RDX: variants seen among roughly 807,000 people sequenced by gnomAD.
The protein encoded by RDX is radixin, also known as deafness, autosomal recessive 24.
A neutral mutation model predicts 83.7 loss-of-function variants in RDX; 32 were observed. That is an observed-to-expected ratio of 0.38 (90% CI 0.29 to 0.51). RDX has a LOEUF of 0.51. RDX is among the 20% of genes least tolerant of loss of function. The pLI is 0.87. For missense variants in RDX, 600 were observed against 689.9 expected (o/e 0.87, Z 1.46); for synonymous variants, 229 against 222.7 (o/e 1.03, Z -0.25).
intron 14 of RDX, among the ~76,000 whole-genome samples, chr11:110,202,573 T>C (rs1863451799): frequency 6.6e-6 from 1 of 151,004 alleles, no homozygotes; most frequent in African/African-American, 2.4e-5. Context: ...TGTGCTTCAC[T>C]ACACCTGGCT....
intron 15 of RDX, among the ~76,000 whole-genome samples, chr11:110,192,596 A>G (rs1863123945): frequency 6.6e-6 from 1 of 152,230 alleles, no homozygotes; most frequent in Non-Finnish European, 1.5e-5. Flanking sequence ...GAATGGGAGA[A>G]AATATTCTCA....
chr11:110,211,579 G>A (rs1423275999), intron 14 of RDX, among the ~76,000 whole-genome samples: 1 of 151,084 alleles, frequency 6.6e-6, no homozygotes, highest in African/African-American at 2.4e-5. Context: ...ACCACATACT[G>A]GGAAGTAAAG....
chr11:110,232,773 C>T (rs1036969359), intron 13 of RDX, among the ~76,000 whole-genome samples: 3 of 152,080 alleles, frequency 2.0e-5, no homozygotes, highest in African/African-American at 4.8e-5. Flanking sequence ...TACCACCATA[C>T]CCGGCTAATT....
intron 14 of RDX, among the ~76,000 whole-genome samples, chr11:110,223,546 A>C (rs1864329488): frequency 6.6e-6 from 1 of 152,028 alleles, no homozygotes; most frequent in Admixed American, 6.6e-5. Context: ...AAATAAAATA[A>C]AGTTCCTGAG....
At chr11:110,203,625 A>G (rs1863494857) in intron 14 of RDX, among the ~76,000 whole-genome samples, 1 of 152,016 alleles carries the variant, frequency 6.6e-6, no homozygotes, top group Admixed American at 6.6e-5. Context: ...GTATCAAAAT[A>G]TCTCATGTCC....
At chr11:110,254,230 TAAG>T in intron 8 of RDX, 121 bp from the exon 9 acceptor site, 2 of 811,392 alleles carry the variant, frequency 2.5e-6, no homozygotes, top group Non-Finnish European at 3.9e-6. Context: ...AGTTTAGAAA[TAAG>T]AAATCATACA....
intron 4 of RDX, among the ~76,000 whole-genome samples, chr11:110,264,435 G>A (rs1026244235): frequency 6.6e-6 from 1 of 152,116 alleles, no homozygotes; most frequent in African/African-American, 2.4e-5. Flanking sequence ...CTATAACTCA[G>A]ATTCTAATAA....
intron 3 of RDX, among the ~76,000 whole-genome samples, chr11:110,270,606 C>T (rs544316089): frequency 6.6e-6 from 1 of 152,156 alleles, no homozygotes; most frequent in African/African-American, 2.4e-5. Flanking sequence ...TTACCATCAT[C>T]CTAATTGTAC....
chr11:110,265,409 T>C (rs1258896357), intron 3 of RDX, among the ~76,000 whole-genome samples: 5 of 151,912 alleles, frequency 3.3e-5, no homozygotes, highest in African/African-American at 9.7e-5. Context: ...CTCAATTTTG[T>C]AGTGTCACTT....
At chr11:110,190,444 A>G (rs1591500580) in intron 15 of RDX, among the ~76,000 whole-genome samples, 2 of 152,306 alleles carry the variant, frequency 1.3e-5, no homozygotes, top group African/African-American at 4.8e-5. Context: ...ATAGAGAGCA[A>G]GTCTCCATCT....
At chr11:110,238,621 G>C (rs1272116155) in intron 10 of RDX, among the ~76,000 whole-genome samples, 2 of 152,138 alleles carry the variant, frequency 1.3e-5, no homozygotes, top group East Asian at 1.9e-4. Context: ...AGTAATTGCA[G>C]TTAAGACTTG....
chr11:110,232,586 G>C (rs1021515457), intron 13 of RDX, among the ~76,000 whole-genome samples: 1 of 152,004 alleles, frequency 6.6e-6, no homozygotes, highest in Admixed American at 6.6e-5. Context: ...CTTAAACATA[G>C]TATATTAACT....
chr11:110,212,234 G>A (rs1385233779), intron 14 of RDX, among the ~76,000 whole-genome samples: 1 of 152,146 alleles, frequency 6.6e-6, no homozygotes, highest in Non-Finnish European at 1.5e-5. Context: ...AGAAAATCTG[G>A]AAGAAATGGA....
At chr11:110,239,878 C>T (rs1212468944) in intron 10 of RDX, among the ~76,000 whole-genome samples, 2 of 148,810 alleles carry the variant, frequency 1.3e-5, no homozygotes, top group African/African-American at 2.5e-5. Context: ...CAGATGCTGG[C>T]GGGGATGTAG....
At chr11:110,227,338 C>T (rs537158669), downstream of RDX, among the ~76,000 whole-genome samples, 7 of 152,060 alleles carry the variant, frequency 4.6e-5, no homozygotes, top group Non-Finnish European at 1.0e-4. Flanking sequence ...GGAAGATGGA[C>T]ATTTGGCTAT....
At chr11:110,199,444 T>C (rs1863319148) in intron 15 of RDX, 1 of 617,408 alleles carries the variant, frequency 1.6e-6, no homozygotes, top group Non-Finnish European at 2.9e-6. Context: ...TCAGTTCCTT[T>C]GACTTGAAAT....
At chr11:110,281,809 AT>A (rs1222463448) in intron 1 of RDX, among the ~76,000 whole-genome samples, 2 of 151,950 alleles carry the variant, frequency 1.3e-5, no homozygotes, top group African/African-American at 2.4e-5. Context: ...TCAGGTCTTG[AT>A]TAAAACAGCC....
chr11:110,264,256 T>A (rs1310406432), intron 4 of RDX, 22 bp from the exon 5 acceptor site: 7 of 1,553,178 alleles, frequency 4.5e-6, no homozygotes, highest in South Asian at 3.5e-5. Context: ...ATTTCAAGTA[T>A]AATCAACAAA....
intron 10 of RDX, among the ~76,000 whole-genome samples, chr11:110,240,707 T>A (rs1207135595): frequency 1.5e-5 from 2 of 131,162 alleles, no homozygotes; most frequent in Non-Finnish European, 3.1e-5. Flanking sequence ...ATGGCGCCAC[T>A]GCACTCCAGC....
Sources: allele counts gnomAD v4.1 joint callset (sites outside exome capture counted in the v4.1 genomes callset), GRCh38; gene constraint gnomAD v4.1.1; transcripts MANE v1.5; gene names NCBI Gene and HGNC (gene_info 2026-07-23, HGNC 2026-07-21).